The following PACS1 variants were observed in gnomAD, a reference collection of about 807,000 sequenced individuals.
PACS1 encodes PACS-1.
A neutral mutation model predicts 115.0 loss-of-function variants in PACS1; 24 were observed. That is an observed-to-expected ratio of 0.21 (90% CI 0.15 to 0.29). The LOEUF is 0.29. PACS1 is among the 10% of genes least tolerant of loss of function. PACS1 has a pLI of 1.00. For missense variants in PACS1, 838 were observed against 1,251.2 expected (o/e 0.67, Z 4.98); for synonymous variants, 453 against 504.5 (o/e 0.90, Z 1.37).
At chr11:66,238,980 C>T in intron 20 of PACS1, 134 bp downstream of exon 20, 1 of 1,344,580 alleles carries the variant, frequency 7.4e-7, no homozygotes, top group Non-Finnish European at 1.0e-6. Context: ...CCTATGGGCG[C>T]CCTCACTCCC....
chr11:66,161,422 T>C (rs1007769599), intron 1 of PACS1, among the ~76,000 whole-genome samples: 2 of 152,104 alleles, frequency 1.3e-5, no homozygotes, highest in African/African-American at 2.4e-5. Context: ...TGCTGTACTC[T>C]AGCCTGAGGG....
chr11:66,114,758 A>G (rs1858266437), intron 1 of PACS1, among the ~76,000 whole-genome samples: 1 of 152,194 alleles, frequency 6.6e-6, no homozygotes, highest in Non-Finnish European at 1.5e-5. Flanking sequence ...AGTTGAATGT[A>G]AGTTCTCTGT....
At chr11:66,102,929 C>G (rs561742169) in intron 1 of PACS1, among the ~76,000 whole-genome samples, 1 of 152,234 alleles carries the variant, frequency 6.6e-6, no homozygotes, top group South Asian at 2.1e-4. Context: ...CTCCCAGGTT[C>G]AAGCCATTCT....
rs530007765 is a variant in PACS1, at chr11:66,100,659, G to C, written c.356+29817G>C. 41 of 361,146 alleles carry C rather than the reference G, an allele frequency of 1.1e-4. No individual in the cohort carries two copies. The Middle Eastern group carries it at 2.0e-3, about 18-fold the overall frequency. 22.4% of individuals were successfully genotyped at this position (361,146 alleles called of 1,614,324 possible). A position where few individuals can be genotyped will look rare whatever the true frequency, so the allele number is the denominator to read the frequency against. On this transcript the variant is annotated intron_variant, in intron 1 of 23. Transcript: ENST00000320580. Reference sequence around the variant, plus strand: ...TTGCATACAAACTGCACTTTGGGCAGAGTTCAGCAATAATACTCAATTCTC... The same window carrying C: ...TTGCATACAAACTGCACTTTGGGCACAGTTCAGCAATAATACTCAATTCTC...
intron 1 of PACS1, among the ~76,000 whole-genome samples, chr11:66,099,209 A>G (rs1386661160): frequency 6.6e-6 from 1 of 151,742 alleles, no homozygotes; most frequent in Non-Finnish European, 1.5e-5. Context: ...ACACCGGGCT[A>G]ATAGTTATTG....
chr11:66,169,797 T>G (rs1401040986), intron 1 of PACS1, among the ~76,000 whole-genome samples: 2 of 150,288 alleles, frequency 1.3e-5, no homozygotes, highest in African/African-American at 5.0e-5. Flanking sequence ...TGGCTAATTA[T>G]TTTTCTTTCT....
chr11:66,090,077 C>A (rs1168214309), intron 1 of PACS1, among the ~76,000 whole-genome samples: 2 of 149,356 alleles, frequency 1.3e-5, no homozygotes, highest in Non-Finnish European at 3.0e-5. Context: ...TTTGCCGGGA[C>A]TGTGGGCATA....
chr11:66,132,653 T>C (rs1227289465), intron 1 of PACS1, among the ~76,000 whole-genome samples: 1 of 152,084 alleles, frequency 6.6e-6, no homozygotes, highest in Non-Finnish European at 1.5e-5. Context: ...AGCCTTTTTT[T>C]CCCCCTAAAT....
chr11:66,156,268 T>A (rs1286468236), intron 1 of PACS1, among the ~76,000 whole-genome samples: 10 of 134,126 alleles, frequency 7.5e-5, no homozygotes, highest in African/African-American at 2.3e-4. Context: ...TTTTTTTTTT[T>A]AAGACAGAGT....
chr11:66,165,279 TCCTC>T (rs989151508), intron 1 of PACS1, among the ~76,000 whole-genome samples: 1 of 152,164 alleles, frequency 6.6e-6, no homozygotes, highest in Non-Finnish European at 1.5e-5. Flanking sequence ...CTTCCGGTTT[TCCTC>T]CCTCATCGGC....
intron 6 of PACS1, 39 bp from the exon 7 acceptor site, chr11:66,216,656 G>A: frequency 1.2e-6 from 2 of 1,609,928 alleles, no homozygotes; most frequent in South Asian, 1.1e-5. Context: ...AGAAGCTCCT[G>A]GGGTTTCCCA....
Position 66,230,817 on chromosome 11 carries a change from G to C in PACS1, c.1503G>C (p.Gly501=), listed in dbSNP as rs776619767. The stretch of plus-strand genomic sequence containing the variant: ...ACCTCCCTGGCAGCAAAGTGGAGGG[G>C]GTGCACACACCCCGGCAGAAGAGGA... ...QGSASPSKVE[G]VHTPRQKRST... The change falls in exon 13 of 24, where the codon GGG becomes GGC. Residue 501 remains glycine, a synonymous_variant. Coordinates refer to ENST00000320580, the MANE Select transcript of PACS1 (RefSeq NM_018026.4). 1 of 1,614,150 alleles carries C rather than the reference G, an allele frequency of 6.2e-7. No homozygotes were observed. Among genetic ancestry groups the C allele is most frequent in the Admixed American group, 1.7e-5 (1 of 60,018 alleles).
chr11:66,190,180 A>G (rs1668787159), intron 1 of PACS1, among the ~76,000 whole-genome samples: 1 of 152,234 alleles, frequency 6.6e-6, no homozygotes, highest in Non-Finnish European at 1.5e-5. Flanking sequence ...CCTGATCTAC[A>G]GGTATGCTCC....
rs112192900 is a variant in PACS1 at position 66,211,130 on chromosome 11, G to A, written c.535-4G>A. ...CACGCTCGACTCTGTTTTGTATTTC[G>A]TAGTACCCTCATTTCCTTAAGCGAG... is the stretch of plus-strand genomic sequence containing the variant. On this transcript the variant is annotated splice_region_variant and splice_polypyrimidine_tract_variant and intron_variant, in intron 3 of 23. Coordinates refer to ENST00000320580, the MANE Select transcript of PACS1 (RefSeq NM_018026.4). 1.6e-3 allele frequency: 2,570 copies of A among 1,613,336 alleles called. 3 individuals carry two copies. The highest frequency in any genetic ancestry group is 2.5e-3 in the Admixed American group (148 of 59,982).
In PACS1 at chr11:66,186,481, TCTC is replaced by T. The variant is rs549289832; in HGVS notation, c.357-7001_357-6999del. On this transcript the variant is annotated intron_variant, in intron 1 of 23. Coordinates refer to ENST00000320580, the MANE Select transcript of PACS1 (RefSeq NM_018026.4). ...AACTCAGAATTTCAGCCCTCCCCGC[TCTC>T]CTCTGCCTCTTGCTCGCAATACCTA... Among the ~76,000 whole-genome samples the T allele has an allele frequency of 7.2e-5, 11 of 152,252 alleles. No individual in the cohort carries two copies. The East Asian group carries it at 2.1e-3, about 29-fold the overall frequency.
At chr11:66,124,103 A>G (rs1305200971) in intron 1 of PACS1, among the ~76,000 whole-genome samples, 1 of 152,238 alleles carries the variant, frequency 6.6e-6, no homozygotes, top group Non-Finnish European at 1.5e-5. Flanking sequence ...GTTTCAGGCC[A>G]TGGGCATTCT....
At chr11:66,210,128 T>C (rs902447312) in intron 2 of PACS1, among the ~76,000 whole-genome samples, 4 of 151,942 alleles carry the variant, frequency 2.6e-5, no homozygotes, top group Admixed American at 1.3e-4. Flanking sequence ...ACTCCTGGGC[T>C]CAAGTGATCC....
intron 11 of PACS1, chr11:66,230,272 A>T: frequency 4.2e-6 from 2 of 474,144 alleles, no homozygotes; most frequent in Non-Finnish European, 7.6e-6. Flanking sequence ...GAGACAGCAG[A>T]TCATCAGTCC....
At chr11:66,142,622 TAAA>T (rs757969555) in intron 1 of PACS1, among the ~76,000 whole-genome samples, 32 of 125,972 alleles carry the variant, frequency 2.5e-4, no homozygotes, top group African/African-American at 8.0e-4. Flanking sequence ...AGCATTTTAT[TAAA>T]AAAAAAAAAA....
Sources: gnomAD v4.1 joint callset for allele counts (sites outside exome capture counted in the v4.1 genomes callset) on GRCh38, gnomAD v4.1.1 for gene constraint, MANE v1.5 for transcripts, NCBI Gene and HGNC (gene_info 2026-07-23, HGNC 2026-07-21) for gene names.